The following CALCOCO2 variants were observed in gnomAD, a reference collection of about 807,000 sequenced individuals.
The protein encoded by CALCOCO2 is calcium binding and coiled-coil domain 2, also known as calcium-binding and coiled-coil domain-containing protein 2.
In CALCOCO2, 42 loss-of-function variants were observed where a neutral mutation model predicts 62.5. That is an observed-to-expected ratio of 0.67 (90% CI 0.53 to 0.87). The LOEUF is 0.87. Ranked by LOEUF, CALCOCO2 falls within the 40% of genes least tolerant of loss-of-function variation. The probability of loss-of-function intolerance (pLI) is 0.00; values close to 1 mark genes in which losing one functional copy is unlikely to be tolerated. For missense variants in CALCOCO2, 456 were observed against 515.0 expected, an observed-to-expected ratio of 0.89 and a Z score of 1.11; for synonymous variants, 167 against 173.0, an observed-to-expected ratio of 0.97 and a Z score of 0.27.
Position 48,848,392 on chromosome 17 carries a change from A to G in CALCOCO2, c.354A>G (p.Gly118=). ...CYVDEDGVVR[G]ASIPFQFRPE... ...TGGATGAGGATGGTGTGGTCCGGGG[A>G]GCAAGTATTCCTTTCCAATTCCGTC... The change falls in exon 4 of 13, where the codon GGA becomes GGG. Residue 118 remains glycine (G), a synonymous_variant. Coordinates refer to ENST00000258947, the MANE Select transcript of CALCOCO2 (RefSeq NM_005831.5). The G allele has an allele frequency of 6.2e-7, 1 of 1,613,716 alleles. No individual in the cohort carries two copies. Among genetic ancestry groups the G allele is most frequent in the Non-Finnish European group, 8.5e-7 (1 of 1,179,642 alleles).
intron 2 of CALCOCO2, chr17:48,846,176 A>T: frequency 1.4e-6 from 1 of 735,218 alleles, no homozygotes; most frequent in Non-Finnish European, 2.1e-6. Flanking sequence ...TTGCTCTGTC[A>T]CCCAGGCTGG....
intron 2 of CALCOCO2, among the ~76,000 whole-genome samples, chr17:48,844,642 C>T (rs1045630300): frequency 1.3e-5 from 2 of 151,968 alleles, no homozygotes; most frequent in Admixed American, 6.6e-5. Context: ...CTCAGCCTCC[C>T]GAGTAGCTGG....
intron 1 of CALCOCO2, chr17:48,839,353 CTTTT>C (rs71144529): frequency 6.1e-5 from 8 of 130,328 alleles, no homozygotes; most frequent in Middle Eastern, 3.9e-3. Flanking sequence ...AATGGTTTCT[CTTTT>C]TTTTTTTTTT....
Position 48,857,384 on chromosome 17 carries a change from A to T in CALCOCO2, c.1008+1197A>T, listed in dbSNP as rs1598043899. On this transcript the variant is annotated intron_variant, in intron 10 of 12. Coordinates refer to ENST00000258947, the MANE Select transcript of CALCOCO2 (RefSeq NM_005831.5). The stretch of plus-strand genomic sequence containing the variant: ...GGCTAGTTTTGTATTTTTAGTAGAG[A>T]CGGGGTTTCTCCATGTTGGTCAGGC... Among the ~76,000 whole-genome samples the T allele has an allele frequency of 2.0e-5, 3 of 148,952 alleles. No individual in the cohort carries two copies. The East Asian group carries it at 6.3e-4, about 31-fold the overall frequency.
intron 2 of CALCOCO2, chr17:48,846,117 T>A (rs1598032525): frequency 2.8e-6 from 3 of 1,081,546 alleles, no homozygotes; most frequent in Non-Finnish European, 3.9e-6. Context: ...AGTAACTCTT[T>A]TTATTTTTTA....
In CALCOCO2 at chr17:48,844,183, T is replaced by C. The variant is rs566422372; in HGVS notation, c.180+2296T>C. Among the ~76,000 whole-genome samples, 33 of 151,976 alleles carry C rather than the reference T, an allele frequency of 2.2e-4. 1 individual carries two copies. In the South Asian group the frequency reaches 5.6e-3, roughly 26 times the overall value. ...CAGGTGTGAGCCACCGCACCCGGCC[T>C]GAGTAACTGGATTTTAAATTTTACT... is the stretch of plus-strand genomic sequence containing the variant. On this transcript the variant is annotated intron_variant, in intron 2 of 12. Coordinates refer to ENST00000258947, the MANE Select transcript of CALCOCO2 (RefSeq NM_005831.5).
At chr17:48,849,987 G>A (rs571550698) in intron 5 of CALCOCO2, among the ~76,000 whole-genome samples, 6 of 151,574 alleles carry the variant, frequency 4.0e-5, no homozygotes, top group East Asian at 2.0e-4. Context: ...ACAAAACCCC[G>A]TCTCTACTAA....
chr17:48,836,536 T>G (rs913618984), intron 1 of CALCOCO2, among the ~76,000 whole-genome samples: 2 of 152,150 alleles, frequency 1.3e-5, no homozygotes, highest in African/African-American at 4.8e-5. Context: ...ACTTAATCAG[T>G]GATTACTACA....
chr17:48,837,082 C>CT (rs1251018963), intron 1 of CALCOCO2, among the ~76,000 whole-genome samples: 2 of 152,136 alleles, frequency 1.3e-5, no homozygotes, highest in Non-Finnish European at 2.9e-5. Flanking sequence ...TCAGAACACT[C>CT]TTATCTGAGT....
At chr17:48,836,547 C>T (rs562307166) in intron 1 of CALCOCO2, among the ~76,000 whole-genome samples, 67 of 152,196 alleles carry the variant, frequency 4.4e-4, no homozygotes, top group African/African-American at 1.4e-3. Flanking sequence ...GATTACTACA[C>T]CTTAGGCATT....
At chr17:48,853,493 G>T (rs650961) in intron 9 of CALCOCO2, among the ~76,000 whole-genome samples, 149,169 of 152,312 alleles carry the variant, frequency 0.98, 73,142 homozygotes, top group East Asian at 1. Context: ...AGAGTCCCCA[G>T]GGCGTTGACA....
At chr17:48,860,751 G>A (rs1237031442) in intron 11 of CALCOCO2, among the ~76,000 whole-genome samples, 3 of 152,232 alleles carry the variant, frequency 2.0e-5, no homozygotes, top group East Asian at 3.9e-4. Flanking sequence ...CACATACAAA[G>A]CTGAGGAAGC....
chr17:48,853,666 T>C (rs1167172846), intron 9 of CALCOCO2, among the ~76,000 whole-genome samples: 1 of 152,212 alleles, frequency 6.6e-6, no homozygotes, highest in Non-Finnish European at 1.5e-5. Context: ...TAGCATGATA[T>C]AGGAAAGAGT....
intron 1 of CALCOCO2, among the ~76,000 whole-genome samples, chr17:48,839,696 A>ATTTTTG (rs1353746616): frequency 3.7e-5 from 4 of 106,798 alleles, no homozygotes; most frequent in Non-Finnish European, 5.4e-5. Context: ...TTTTTTTTTA[A>ATTTTTG]ACGGAGTTTC....
chr17:48,849,050 T>A, intron 4 of CALCOCO2, among the ~76,000 whole-genome samples: 1 of 152,244 alleles, frequency 6.6e-6, no homozygotes, highest in East Asian at 1.9e-4. Context: ...ATATAATTTT[T>A]GCTTGCCTTT....
intron 11 of CALCOCO2, 109 bp downstream of exon 11, chr17:48,860,558 T>C (rs2040312726): frequency 1.1e-6 from 1 of 933,676 alleles, no homozygotes; most frequent in African/African-American, 1.6e-5. Context: ...TGTTAAGACT[T>C]GCTGGGCAGA....
In CALCOCO2 at chr17:48,863,022, G is replaced by A. The variant is rs1434565902; in HGVS notation, c.*17G>A. The A allele has an allele frequency of 6.4e-7, 1 of 1,569,130 alleles. No homozygotes were observed. Among genetic ancestry groups the A allele is most frequent in the Non-Finnish European group, 8.8e-7 (1 of 1,139,348 alleles). On this transcript the variant is annotated 3_prime_UTR_variant, in exon 13 of 13. Coordinates refer to ENST00000258947, the MANE Select transcript of CALCOCO2 (RefSeq NM_005831.5). ...TCTCTCTGAGTATCCCAACCTCTTG[G>A]ATGTATACAGAGATTTTATAGAATA...
chr17:48,856,567 C>A, intron 10 of CALCOCO2: 1 of 456,796 alleles, frequency 2.2e-6, no homozygotes, highest in Non-Finnish European at 4.4e-6. Context: ...TTTTTCTCTG[C>A]TGCCAAACCA....
chr17:48,834,106 C>CAAAAAAAAAAAAAAAAA (rs59633969), intron 1 of CALCOCO2, among the ~76,000 whole-genome samples: 1 of 69,790 alleles, frequency 1.4e-5, no homozygotes, highest in Non-Finnish European at 2.9e-5. Flanking sequence ...GACCCTATGT[C>CAAAAAAAAAAAAAAAAA]AAAAAAAAAA....
Sources: allele counts gnomAD v4.1 joint callset (sites outside exome capture counted in the v4.1 genomes callset), GRCh38; gene constraint gnomAD v4.1.1; transcripts MANE v1.5; gene names NCBI Gene and HGNC (gene_info 2026-07-23, HGNC 2026-07-21).